The following DPP6 variants were observed in gnomAD, a reference collection of about 807,000 sequenced individuals.
The protein encoded by DPP6 is dipeptidyl peptidase like 6.
In DPP6, 69 loss-of-function variants were observed where a neutral mutation model predicts 122.6. The observed-to-expected ratio is 0.56, with a 90% confidence interval of 0.46 to 0.69. The LOEUF is 0.69. DPP6 is among the 30% of genes least tolerant of loss of function. The pLI, the probability that DPP6 is intolerant of heterozygous loss-of-function variation, is 0.00. For synonymous variants in DPP6, 418 were observed against 433.1 expected, an observed-to-expected ratio of 0.97 and a Z score of 0.43; for missense variants, 928 against 1,116.9, an observed-to-expected ratio of 0.83 and a Z score of 2.41.
intron 1 of DPP6, among the ~76,000 whole-genome samples, chr7:154,255,408 G>A (rs1375361049): frequency 6.6e-6 from 1 of 152,260 alleles, no homozygotes; most frequent in Non-Finnish European, 1.5e-5. Flanking sequence ...CCAGCAGTGT[G>A]GAGAGGAAGC....
chr7:154,680,034 T>C (rs1368789372), intron 7 of DPP6, among the ~76,000 whole-genome samples: 2 of 152,118 alleles, frequency 1.3e-5, no homozygotes, highest in Non-Finnish European at 2.9e-5. Flanking sequence ...AGATACCTGA[T>C]GGTCATGGTT....
At chr7:154,430,156 A>T (rs1313237091) in intron 1 of DPP6, among the ~76,000 whole-genome samples, 1 of 152,168 alleles carries the variant, frequency 6.6e-6, no homozygotes, top group Non-Finnish European at 1.5e-5. Context: ...TTAGATGCTT[A>T]AACACGCTGC....
At chr7:154,504,421 A>G (rs1481343925) in intron 3 of DPP6, among the ~76,000 whole-genome samples, 1 of 152,202 alleles carries the variant, frequency 6.6e-6, no homozygotes, top group Non-Finnish European at 1.5e-5. Flanking sequence ...GTCATTTATA[A>G]TAACATTAGC....
intron 1 of DPP6, among the ~76,000 whole-genome samples, chr7:154,244,872 T>C (rs1432786705): frequency 6.6e-6 from 1 of 151,752 alleles, no homozygotes; most frequent in Non-Finnish European, 1.5e-5. Context: ...TTTCACTAGA[T>C]GCAAATTAAT....
chr7:154,132,636 C>T (rs1217115511), intron 1 of DPP6, among the ~76,000 whole-genome samples: 2 of 152,102 alleles, frequency 1.3e-5, no homozygotes, highest in African/African-American at 2.4e-5. Context: ...TCAAATGCAT[C>T]GTGTCCTCCT....
In DPP6 at chr7:154,760,673, G is replaced by A. The variant is rs1286908236; in HGVS notation, c.884-8744G>A. On this transcript the variant is annotated intron_variant, in intron 8 of 25. Transcript: ENST00000377770. This position sits in a 1 kb window ranked among gnomAD's most constrained non-coding sequence, Gnocchi z 4.5. ...AAACGAGAACATCCTTGCCACACTG[G>A]GACCTGTTTGAGCGTGAGGCAGGTG... 6.6e-6 allele frequency among the ~76,000 whole-genome samples: 1 copy of A among 152,040 alleles called. No homozygotes were observed. The highest frequency in any genetic ancestry group is 1.5e-5 in the Non-Finnish European group (1 of 68,020).
At chr7:154,580,371 C>G (rs1178254786) in intron 5 of DPP6, among the ~76,000 whole-genome samples, 1 of 152,188 alleles carries the variant, frequency 6.6e-6, no homozygotes, top group East Asian at 1.9e-4. Flanking sequence ...TCGGGCATAA[C>G]TCCCTTCCTT....
chr7:154,342,977 T>C (rs982472255), intron 1 of DPP6, among the ~76,000 whole-genome samples: 1 of 152,224 alleles, frequency 6.6e-6, no homozygotes, highest in African/African-American at 2.4e-5. Flanking sequence ...GTGGCCAATA[T>C]TGATGTGCCT....
the DPP6 span, among the ~76,000 whole-genome samples, chr7:153,830,254 T>C: frequency 6.6e-6 from 1 of 152,232 alleles, no homozygotes; most frequent in African/African-American, 2.4e-5. Context: ...CTCAGCGAAG[T>C]AAATAACTTA....
intron 1 of DPP6, among the ~76,000 whole-genome samples, chr7:153,969,006 G>A (rs1795890199): frequency 2.6e-5 from 4 of 151,210 alleles, no homozygotes; most frequent in African/African-American, 7.3e-5. Context: ...TTGATCAATG[G>A]TGGACATTGG....
chr7:153,924,391 A>G (rs1398369267), intron 1 of DPP6, among the ~76,000 whole-genome samples: 1 of 152,180 alleles, frequency 6.6e-6, no homozygotes, highest in African/African-American at 2.4e-5. Context: ...TACAGGCGTG[A>G]GCCACTGTGC....
At position 154,664,776 on chromosome 7, in the gene DPP6, C is replaced by A. The variant is rs549841854; in HGVS notation, c.681-4584C>A. Among the ~76,000 whole-genome samples the A allele has an allele frequency of 3.3e-5, 5 of 150,312 alleles. No individual in the cohort carries two copies. The East Asian group carries it at 5.9e-4, about 18-fold the overall frequency. On this transcript the variant is annotated intron_variant, in intron 6 of 25. Coordinates refer to ENST00000377770, the MANE Select transcript of DPP6 (RefSeq NM_130797.4). ...CCAATGAGATATAAGCTATGAAATT[C>A]TTTTTAAAAACTTTTTATTTTGAAT...
At chr7:153,801,948 C>A in the DPP6 span, among the ~76,000 whole-genome samples, 2 of 152,004 alleles carry the variant, frequency 1.3e-5, no homozygotes, top group African/African-American at 4.8e-5. Context: ...GAAGTCAGGG[C>A]AAATATTGAT....
intron 3 of DPP6, among the ~76,000 whole-genome samples, chr7:154,487,784 G>T (rs1823926908): frequency 1.3e-5 from 2 of 152,146 alleles, no homozygotes; most frequent in South Asian, 4.1e-4. Flanking sequence ...ACCTGCTAGG[G>T]TCTAATTAAT....
chr7:154,477,257 C>G (rs1822827963), intron 3 of DPP6, among the ~76,000 whole-genome samples: 1 of 136,820 alleles, frequency 7.3e-6, no homozygotes, highest in Non-Finnish European at 1.6e-5. Context: ...TGATCTCCCA[C>G]CACCACCACC....
chr7:154,779,424 C>T (rs574534653), intron 10 of DPP6, among the ~76,000 whole-genome samples: 9 of 152,194 alleles, frequency 5.9e-5, no homozygotes, highest in Non-Finnish European at 1.0e-4. Context: ...GCCTCCTTCC[C>T]TATCATAAAC....
chr7:154,763,953 C>T (rs556320929), intron 8 of DPP6, among the ~76,000 whole-genome samples: 152 of 142,256 alleles, frequency 1.1e-3, no homozygotes, highest in African/African-American at 3.9e-3. Flanking sequence ...CCCCTGTGCC[C>T]TTTCTGCTGT....
At position 154,868,105 on chromosome 7, in the gene DPP6, G is replaced by C. The variant is rs377439956; in HGVS notation, c.1813+12G>C. The C allele has an allele frequency of 6.3e-7, 1 of 1,592,266 alleles. No individual in the cohort carries two copies. The highest frequency in any genetic ancestry group is 1.3e-5 in the African/African-American group (1 of 74,464). On this transcript the variant is annotated intron_variant, in intron 18 of 25. Transcript: ENST00000377770. The stretch of plus-strand genomic sequence containing the variant: ...GATTGATGATTACAGTAAGTACTAC[G>C]TTTTTCCCCTCTAAAAGAAAAAGAA...
At chr7:153,910,234 C>CTTTTTTCTTTTCTTT (rs750065238) in intron 1 of DPP6, among the ~76,000 whole-genome samples, 5 of 137,752 alleles carry the variant, frequency 3.6e-5, no homozygotes, top group African/African-American at 1.4e-4. Flanking sequence ...TTCTTTCTTT[C>CTTTTTTCTTTTCTTT]TTTTTTTTTT....
Sources: allele counts gnomAD v4.1 joint callset (sites outside exome capture counted in the v4.1 genomes callset), GRCh38; gene constraint gnomAD v4.1.1; non-coding constraint Gnocchi (gnomAD v3.1); transcripts MANE v1.5; gene names NCBI Gene and HGNC (gene_info 2026-07-23, HGNC 2026-07-21).